VPS26B: variants seen among roughly 807,000 people sequenced by gnomAD.
VPS26B encodes VPS26 retromer complex component B.
VPS26B carries 10 observed loss-of-function variants against 33.3 expected under a neutral mutation model. The observed-to-expected ratio is 0.30, with a 90% CI of 0.19 to 0.51. VPS26B has a LOEUF of 0.51. VPS26B is among the 20% of genes least tolerant of loss of function. The pLI is 0.98. For missense variants in VPS26B, 317 were observed against 452.7 expected, an observed-to-expected ratio of 0.70 and a Z score of 2.72; for synonymous variants, 190 against 176.9, an observed-to-expected ratio of 1.07 and a Z score of -0.59.
intron 2 of VPS26B, 164 bp from the exon 3 acceptor site, chr11:134,239,827 A>G: frequency 1.4e-6 from 1 of 729,660 alleles, no homozygotes; most frequent in South Asian, 1.7e-5. Flanking sequence ...ACATATGTGC[A>G]TCTTTCCCTG....
chr11:134,236,786 A>G (rs896766977), intron 2 of VPS26B: 1 of 152,354 alleles, frequency 6.6e-6, no homozygotes, highest in African/African-American at 2.4e-5. Flanking sequence ...AGAAAATAGA[A>G]TGGTAGAGGC....
At chr11:134,234,628 T>C (rs1938604056) in intron 1 of VPS26B, among the ~76,000 whole-genome samples, 1 of 152,192 alleles carries the variant, frequency 6.6e-6, no homozygotes, top group African/African-American at 2.4e-5. Flanking sequence ...TTACCCTTAT[T>C]AAAAGATGGT....
At chr11:134,236,423 TACC>T in intron 2 of VPS26B, 1 of 152,150 alleles carries the variant, frequency 6.6e-6, no homozygotes, top group Non-Finnish European at 1.5e-5. Context: ...TAAACAGAAT[TACC>T]ATATGATCTA....
At chr11:134,230,125 G>A (rs559754855) in intron 1 of VPS26B, among the ~76,000 whole-genome samples, 1 of 152,116 alleles carries the variant, frequency 6.6e-6, no homozygotes. Context: ...TCTTCCAGAG[G>A]CCTCATTAAT....
intron 2 of VPS26B, among the ~76,000 whole-genome samples, chr11:134,239,415 C>T (rs942749366): frequency 6.6e-6 from 1 of 152,242 alleles, no homozygotes; most frequent in African/African-American, 2.4e-5. Flanking sequence ...TAGCCCAGTG[C>T]TTAGCTCAGT....
At position 134,246,987 on chromosome 11, in the gene VPS26B, G is replaced by C. The variant is rs1252875018; in HGVS notation, c.*1397G>C. 2 of 152,236 alleles carry C rather than the reference G, an allele frequency of 1.3e-5. No individual in the cohort carries two copies. Among genetic ancestry groups the C allele is most frequent in the African/African-American group, 4.8e-5 (2 of 41,538 alleles). 9.4% of individuals were successfully genotyped at this position (152,236 alleles called of 1,614,324 possible). ...GTCTGAGTTCTCAGTAATTTGGAAA[G>C]TTAAGGAGTTGGTTCCTGTGTCACC... On this transcript the variant is annotated 3_prime_UTR_variant, in exon 6 of 6. Transcript: ENST00000281187.
chr11:134,234,392 C>G (rs556328103), intron 1 of VPS26B, among the ~76,000 whole-genome samples: 16 of 152,344 alleles, frequency 1.1e-4, no homozygotes, highest in African/African-American at 3.6e-4. Flanking sequence ...GAGACCTGCT[C>G]TAGTCTCAGC....
At chr11:134,238,664 C>T (rs1354962613) in intron 2 of VPS26B, among the ~76,000 whole-genome samples, 1 of 152,154 alleles carries the variant, frequency 6.6e-6, no homozygotes, top group East Asian at 1.9e-4. Flanking sequence ...GGCTTGATCT[C>T]GGCTCACCGC....
Position 134,234,918 on chromosome 11 carries a change from A to G in VPS26B, c.245A>G (p.Asn82Ser), listed in dbSNP as rs2136048877. 2 of 1,614,096 alleles carry G rather than the reference A, an allele frequency of 1.2e-6. No homozygotes were observed. Among genetic ancestry groups the G allele is most frequent in the Middle Eastern group, 1.7e-4 (1 of 6,060 alleles). Residue 82 changes from asparagine (N) to serine (S), a missense_variant, in exon 2 of 6, where the codon AAC (asparagine) becomes AGC (serine). By Grantham distance (46) the Asn-to-Ser change is conservative. Transcript: ENST00000281187. ...CCAGAACTCTACTACGATCGCGGGA[A>G]CCACCATGAGTTTGTGTCCCTGGTG... ...GQIELYYDRGNHHEFVSLVKD... is the reference protein window; with the variant it reads ...GQIELYYDRGSHHEFVSLVKD...
intron 4 of VPS26B, 171 bp downstream of exon 4, chr11:134,243,465 TGA>T: frequency 1.3e-6 from 1 of 772,358 alleles, no homozygotes; most frequent in Non-Finnish European, 2.0e-6. Flanking sequence ...AAAGGAAGGC[TGA>T]GTGTGTAGAA....
intron 2 of VPS26B, among the ~76,000 whole-genome samples, chr11:134,237,625 C>G (rs1938651594): frequency 6.6e-6 from 1 of 152,148 alleles, no homozygotes; most frequent in Non-Finnish European, 1.5e-5. Flanking sequence ...GAGCCAGGAC[C>G]CACCAGGGCA....
chr11:134,235,866 C>G (rs1261374337), intron 2 of VPS26B, among the ~76,000 whole-genome samples: 1 of 152,138 alleles, frequency 6.6e-6, no homozygotes, highest in African/African-American at 2.4e-5. Context: ...TGTGATGCTA[C>G]TGGGATAAAG....
At chr11:134,241,653 AAGC>A (rs1247061695) in intron 3 of VPS26B, among the ~76,000 whole-genome samples, 1 of 152,144 alleles carries the variant, frequency 6.6e-6, no homozygotes, top group Non-Finnish European at 1.5e-5. Context: ...TAGGAGCTCA[AAGC>A]AGCCACTGGT....
Position 134,243,193 on chromosome 11 carries a change from T to C in VPS26B, c.620T>C (p.Ile207Thr). 6.2e-7 allele frequency: 1 copy of C among 1,614,090 alleles called. No individual in the cohort carries two copies. Among genetic ancestry groups the C allele is most frequent in the Non-Finnish European group, 8.5e-7 (1 of 1,180,004 alleles). ...AGAATCAAAATCAAGCACATGGAGA[T>C]AGACATCATCAAGCGAGAAACGACG... is the stretch of plus-strand genomic sequence containing the variant. Reference protein sequence around the residue: ...LVRIKIKHMEIDIIKRETTGT... With the variant: ...LVRIKIKHMETDIIKRETTGT... Residue 207 changes from isoleucine to threonine, a missense_variant, in exon 4 of 6, where the codon ATA becomes ACA. Coordinates refer to ENST00000281187, the MANE Select transcript of VPS26B (RefSeq NM_052875.5).
Position 134,225,239 on chromosome 11 carries a change from C to G in VPS26B, c.117C>G (p.Leu39=), listed in dbSNP as rs1057360508. 4 of 1,614,064 alleles carry G rather than the reference C, an allele frequency of 2.5e-6. No homozygotes were observed. The highest frequency in any genetic ancestry group is 3.4e-6 in the Non-Finnish European group (4 of 1,180,016). ...TEDGKKEKYF[L]FYDGETVSGK... ...ACGGGAAGAAGGAGAAATATTTCCTCTTCTACGACGGGGAGACGGTCTCCG... is the reference window on the plus strand; with the variant it reads ...ACGGGAAGAAGGAGAAATATTTCCTGTTCTACGACGGGGAGACGGTCTCCG... The change falls in exon 1 of 6, where the codon CTC becomes CTG. Residue 39 remains leucine, a synonymous_variant. Transcript: ENST00000281187.
chr11:134,236,514 A>G (rs1287342764), intron 2 of VPS26B: 1 of 152,210 alleles, frequency 6.6e-6, no homozygotes, highest in African/African-American at 2.4e-5. Flanking sequence ...GTACACCCAT[A>G]TTCACAGCAG....
Position 134,234,991 on chromosome 11 carries a change from C to CT in VPS26B, c.321dup (p.Glu108Ter), listed in dbSNP as rs1938610230. On this transcript the variant is annotated frameshift_variant, in exon 2 of 6. Coordinates refer to ENST00000281187, the MANE Select transcript of VPS26B (RefSeq NM_052875.5). LOFTEE classifies it high-confidence loss of function. ...AGATCACCCAGTCGCAGGCCTTCGA[C>CT]TTTGAGTTTACCCACGTGGAGAAGC... is the stretch of plus-strand genomic sequence containing the variant. The CT allele has an allele frequency of 6.2e-7, 1 of 1,614,058 alleles. No homozygotes were observed. Among genetic ancestry groups the CT allele is most frequent in the African/African-American group, 1.3e-5 (1 of 74,918 alleles).
rs749644388 is a variant in VPS26B at position 134,245,438 on chromosome 11, C to G, written c.865-6C>G. ...GTGTCACATTGCCCCCCTTTCAATT[C>G]TGCAGGAAGTGGTGTTGTGGCGGAA... On this transcript the variant is annotated splice_region_variant and splice_polypyrimidine_tract_variant and intron_variant, in intron 5 of 5. Transcript: ENST00000281187. The surrounding 1 kb of genome is among the most constrained non-coding windows in gnomAD (Gnocchi z 4.7). The G allele has an allele frequency of 1.2e-6, 2 of 1,613,850 alleles. No individual in the cohort carries two copies. Among genetic ancestry groups the G allele is most frequent in the Non-Finnish European group, 1.7e-6 (2 of 1,179,860 alleles).
Position 134,240,790 on chromosome 11 carries a change from TGTCC to T in VPS26B, c.545+638_545+641del, listed in dbSNP as rs1376802927. On this transcript the variant is annotated intron_variant, in intron 3 of 5. Transcript: ENST00000281187. The surrounding 1 kb of genome is among the most constrained non-coding windows in gnomAD (Gnocchi z 4.4). Reference sequence around the variant, plus strand: ...ATTTGTGTCCGTGTGTGTGTGTGTGTGTCCGTGTGTGTGTGTGTGTGTGTGTGTG... The same window carrying T: ...ATTTGTGTCCGTGTGTGTGTGTGTGTGTGTGTGTGTGTGTGTGTGTGTGTG... Among the ~76,000 whole-genome samples the T allele has an allele frequency of 5.0e-5, 6 of 119,688 alleles. No homozygotes were observed. Among genetic ancestry groups the T allele is most frequent in the Admixed American group, 9.7e-5 (1 of 10,270 alleles). 78.5% of individuals were successfully genotyped at this position (119,688 alleles called of 152,430 possible).
Sources: gnomAD v4.1 joint callset for allele counts (sites outside exome capture counted in the v4.1 genomes callset) on GRCh38, gnomAD v4.1.1 for gene constraint, Gnocchi (gnomAD v3.1) non-coding constraint, MANE v1.5 for transcripts, NCBI Gene and HGNC (gene_info 2026-07-23, HGNC 2026-07-21) for gene names.